NOL4: variants seen among roughly 807,000 people sequenced by gnomAD.
NOL4 encodes nucleolar protein 4.
NOL4 carries 17 observed loss-of-function variants against 75.9 expected under a neutral mutation model. That is an observed-to-expected ratio of 0.22 (90% confidence interval 0.15 to 0.34). NOL4 has a LOEUF of 0.34. Ranked by LOEUF, NOL4 falls within the 10% of genes least tolerant of loss-of-function variation. NOL4 has a pLI of 1.00. For synonymous variants in NOL4, 292 were observed against 289.9 expected (o/e 1.01, Z -0.07); for missense variants, 614 against 793.5 (o/e 0.77, Z 2.72).
intron 1 of NOL4, among the ~76,000 whole-genome samples, chr18:34,157,703 C>T (rs1018586728): frequency 1.3e-5 from 2 of 151,536 alleles, no homozygotes; most frequent in African/African-American, 4.8e-5. Flanking sequence ...TCAAATAGGT[C>T]AGAGAGCACA....
chr18:33,949,255 T>C (rs1234092420), intron 8 of NOL4, among the ~76,000 whole-genome samples: 1 of 152,096 alleles, frequency 6.6e-6, no homozygotes, highest in Admixed American at 6.6e-5. Flanking sequence ...CTGTCCTTAT[T>C]TCATTCCACA....
intron 8 of NOL4, among the ~76,000 whole-genome samples, chr18:33,950,793 A>G (rs1489503833): frequency 6.6e-6 from 1 of 152,154 alleles, no homozygotes; most frequent in Non-Finnish European, 1.5e-5. Context: ...TTAGTCCTTC[A>G]AGTAGCTCAA....
intron 5 of NOL4, among the ~76,000 whole-genome samples, chr18:34,046,192 T>C (rs1040957072): frequency 2.0e-5 from 3 of 152,074 alleles, no homozygotes; most frequent in African/African-American, 7.2e-5. Flanking sequence ...AGATTTTTAC[T>C]CTTAAAATGA....
chr18:34,004,265 A>G (rs1038930259), intron 6 of NOL4, among the ~76,000 whole-genome samples: 1 of 152,044 alleles, frequency 6.6e-6, no homozygotes, highest in African/African-American at 2.4e-5. Flanking sequence ...AAAAACGTAT[A>G]AAACTAAGCT....
rs188170132 is a variant in NOL4, at chr18:34,044,499, T to C, written c.773-24898A>G. Among the ~76,000 whole-genome samples, 41 of 152,220 alleles carry C rather than the reference T, an allele frequency of 2.7e-4. 1 individual carries two copies. The East Asian group carries it at 7.3e-3, about 27-fold the overall frequency. ...AGTAATAAAAGACAATTTTTTGTTATACTAAGAAGCTGTATACTTTAAATG... is the reference window on the plus strand; with the variant it reads ...AGTAATAAAAGACAATTTTTTGTTACACTAAGAAGCTGTATACTTTAAATG... On this transcript the variant is annotated intron_variant, in intron 5 of 10. Transcript: ENST00000261592.
chr18:34,209,523 C>T (rs2036367539), intron 1 of NOL4, among the ~76,000 whole-genome samples: 1 of 152,014 alleles, frequency 6.6e-6, no homozygotes, highest in Admixed American at 6.6e-5. Flanking sequence ...AAATTCTAAG[C>T]GAGTCAGGTT....
At chr18:33,967,794 A>C (rs2070723438) in intron 6 of NOL4, among the ~76,000 whole-genome samples, 2 of 152,222 alleles carry the variant, frequency 1.3e-5, no homozygotes, top group African/African-American at 4.8e-5. Context: ...TATTATTAAA[A>C]AGTCAAAAAA....
In NOL4 at chr18:34,023,373, G is replaced by C. The variant is rs560260850; in HGVS notation, c.773-3772C>G. The C allele has an allele frequency of 5.1e-4, 229 of 452,526 alleles. 3 individuals carry two copies. Among genetic ancestry groups the C allele is most frequent in the South Asian group, 3.4e-3 (219 of 64,276 alleles). 28.0% of individuals were successfully genotyped at this position (452,526 alleles called of 1,614,324 possible). A position where few individuals can be genotyped will look rare whatever the true frequency, so the allele number is the denominator to read the frequency against. Reference sequence around the variant, plus strand: ...ATACTTTTTAAGAATTTAAAATCGCGGATCTCAGACTCCTGTAACCAATTC... The same window carrying C: ...ATACTTTTTAAGAATTTAAAATCGCCGATCTCAGACTCCTGTAACCAATTC... On this transcript the variant is annotated intron_variant, in intron 5 of 10. Transcript: ENST00000261592.
At chr18:34,083,796 A>T (rs4419129) in intron 5 of NOL4, among the ~76,000 whole-genome samples, 129,038 of 152,214 alleles carry the variant, frequency 0.85, 54,817 homozygotes, top group East Asian at 0.96. Flanking sequence ...TGGTTGTAGA[A>T]AAGGAAGAAT....
intron 6 of NOL4, among the ~76,000 whole-genome samples, chr18:33,984,213 C>T (rs1454954719): frequency 6.6e-6 from 1 of 152,024 alleles, no homozygotes; most frequent in Non-Finnish European, 1.5e-5. Context: ...TAGTACACAA[C>T]AAATTATGAA....
intron 9 of NOL4, among the ~76,000 whole-genome samples, chr18:33,890,290 T>G (rs1156446025): frequency 6.6e-6 from 1 of 151,948 alleles, no homozygotes; most frequent in Non-Finnish European, 1.5e-5. Context: ...ACAAAGAGAA[T>G]AAAATACCTA....
chr18:34,200,632 C>T (rs1226421649), intron 1 of NOL4, among the ~76,000 whole-genome samples: 1 of 151,656 alleles, frequency 6.6e-6, no homozygotes, highest in Non-Finnish European at 1.5e-5. Flanking sequence ...ATGAGCCACT[C>T]TGAAAAAATA....
chr18:34,196,347 T>C (rs1440075766), intron 1 of NOL4, among the ~76,000 whole-genome samples: 1 of 152,154 alleles, frequency 6.6e-6, no homozygotes, highest in Non-Finnish European at 1.5e-5. Context: ...CTGACAACAT[T>C]ATATGACATC....
At chr18:33,999,860 G>A (rs189343656) in intron 6 of NOL4, among the ~76,000 whole-genome samples, 3 of 152,092 alleles carry the variant, frequency 2.0e-5, no homozygotes, top group Admixed American at 2.0e-4. Flanking sequence ...CACCATGTTG[G>A]CCTGGTTGGT....
At chr18:33,860,491 G>A (rs1254133556) in intron 10 of NOL4, among the ~76,000 whole-genome samples, 1 of 151,922 alleles carries the variant, frequency 6.6e-6, no homozygotes, top group Non-Finnish European at 1.5e-5. Context: ...GTTACTTCCT[G>A]AGACTTTGCT....
chr18:34,194,881 G>C (rs551108050), intron 1 of NOL4, among the ~76,000 whole-genome samples: 9 of 151,746 alleles, frequency 5.9e-5, no homozygotes, highest in Non-Finnish European at 1.3e-4. Context: ...AAAATTAGCC[G>C]GGCGTGGTAG....
chr18:33,966,995 G>C (rs2070658569), intron 6 of NOL4, among the ~76,000 whole-genome samples: 1 of 151,938 alleles, frequency 6.6e-6, no homozygotes, highest in African/African-American at 2.4e-5. Context: ...AATTCATATA[G>C]AATTTTAAAA....
intron 6 of NOL4, among the ~76,000 whole-genome samples, chr18:33,974,570 C>A (rs962186651): frequency 6.6e-6 from 1 of 152,032 alleles, no homozygotes; most frequent in Non-Finnish European, 1.5e-5. Flanking sequence ...TGATCAAAAA[C>A]AATTACAATA....
intron 1 of NOL4, among the ~76,000 whole-genome samples, chr18:34,177,163 T>C (rs1455228555): frequency 6.6e-6 from 1 of 151,484 alleles, no homozygotes; most frequent in Non-Finnish European, 1.5e-5. Flanking sequence ...AATAAGCAAG[T>C]CAAAAAAAGA....
Sources: gnomAD v4.1 joint callset for allele counts (sites outside exome capture counted in the v4.1 genomes callset) on GRCh38, gnomAD v4.1.1 for gene constraint, MANE v1.5 for transcripts, NCBI Gene and HGNC (gene_info 2026-07-23, HGNC 2026-07-21) for gene names.